The following FARS2 variants were observed in gnomAD, a reference collection of about 807,000 sequenced individuals.
The protein encoded by FARS2 is phenylalanyl-tRNA synthetase 2, mitochondrial.
Under a neutral mutation model 46.4 loss-of-function variants are expected in FARS2, and 40 were observed. The observed-to-expected ratio is 0.86, with a 90% CI of 0.67 to 1.12. The LOEUF (loss-of-function observed/expected upper bound fraction) is 1.12. Ranked by LOEUF, FARS2 falls within the 50% of genes most tolerant of loss-of-function variation. The pLI is 0.00. For synonymous variants in FARS2, 234 were observed against 214.9 expected, an observed-to-expected ratio of 1.09 and a Z score of -0.78; for missense variants, 513 against 567.9, an observed-to-expected ratio of 0.90 and a Z score of 0.98.
chr6:5,392,741 C>T (rs1266033211), intron 2 of FARS2, among the ~76,000 whole-genome samples: 1 of 21,480 alleles, frequency 4.7e-5, no homozygotes, highest in African/African-American at 4.3e-4. Flanking sequence ...TATATACACA[C>T]ACACACACAC....
chr6:5,271,940 G>A (rs1248442538), intron 1 of FARS2, among the ~76,000 whole-genome samples: 2 of 151,984 alleles, frequency 1.3e-5, no homozygotes, highest in Non-Finnish European at 2.9e-5. Flanking sequence ...AATACAGTAA[G>A]GACCCCCTGC....
At chr6:5,718,501 C>T (rs1190181191) in intron 6 of FARS2, among the ~76,000 whole-genome samples, 1 of 152,198 alleles carries the variant, frequency 6.6e-6, no homozygotes, top group East Asian at 1.9e-4. Flanking sequence ...TATTTTCAGA[C>T]GATGCCACTG....
upstream of FARS2, chr6:5,260,650 G>C: frequency 2.0e-6 from 3 of 1,534,424 alleles, no homozygotes; most frequent in Non-Finnish European, 2.6e-6. Flanking sequence ...TGGGTCACCT[G>C]TAATTGTAGG....
intron 1 of FARS2, among the ~76,000 whole-genome samples, chr6:5,350,019 A>G (rs1332777211): frequency 1.3e-5 from 2 of 151,776 alleles, no homozygotes; most frequent in African/African-American, 4.8e-5. Context: ...TGTTTGTCAG[A>G]TTTCTCCATT....
intron 6 of FARS2, among the ~76,000 whole-genome samples, chr6:5,660,708 C>T (rs1359140705): frequency 6.6e-6 from 1 of 151,188 alleles, no homozygotes; most frequent in East Asian, 1.9e-4. Flanking sequence ...AGTGTGAGGC[C>T]AGGGAGAGAA....
intron 1 of FARS2, among the ~76,000 whole-genome samples, chr6:5,319,953 G>A (rs944942190): frequency 3.3e-5 from 5 of 152,158 alleles, no homozygotes; most frequent in Non-Finnish European, 5.9e-5. Context: ...GAGTGTAAAA[G>A]TTTGGAAGAT....
chr6:5,252,070 G>A, the FARS2 span, among the ~76,000 whole-genome samples: 7 of 152,292 alleles, frequency 4.6e-5, no homozygotes, highest in East Asian at 3.9e-4. Context: ...GAGACCTGAC[G>A]TTGATCAGCA....
At chr6:5,593,922 C>A (rs1301583106) in intron 5 of FARS2, among the ~76,000 whole-genome samples, 2 of 152,148 alleles carry the variant, frequency 1.3e-5, no homozygotes, top group African/African-American at 4.8e-5. Flanking sequence ...GAACACACAG[C>A]AGCTAAATCC....
intron 4 of FARS2, among the ~76,000 whole-genome samples, chr6:5,510,678 C>T (rs763348639): frequency 3.2e-4 from 49 of 152,198 alleles, no homozygotes; most frequent in Non-Finnish European, 6.0e-4. Context: ...GCGTGAGAAG[C>T]GAGTACGTGA....
In FARS2 at chr6:5,375,863, G is replaced by A. The variant is rs560855852; in HGVS notation, c.612+6681G>A. On this transcript the variant is annotated intron_variant, in intron 2 of 6. Transcript: ENST00000274680. ...TGAAAAAGAAATCTTTAAAACTTTT[G>A]GAAGAAAATATAGGAGATTGTCATT... Among the ~76,000 whole-genome samples the A allele has an allele frequency of 2.6e-4, 40 of 152,010 alleles. 1 individual carries two copies. In the South Asian group the frequency reaches 8.1e-3, roughly 31 times the overall value.
At chr6:5,550,483 C>A (rs1427130284) in intron 5 of FARS2, among the ~76,000 whole-genome samples, 4 of 152,154 alleles carry the variant, frequency 2.6e-5, no homozygotes, top group Non-Finnish European at 5.9e-5. Flanking sequence ...CCAGGCTGTT[C>A]TTCAACTCCT....
At chr6:5,501,687 G>A (rs1767809737) in intron 4 of FARS2, among the ~76,000 whole-genome samples, 1 of 151,972 alleles carries the variant, frequency 6.6e-6, no homozygotes, top group Non-Finnish European at 1.5e-5. Flanking sequence ...TAGAGATGGG[G>A]TTTTGCCACG....
intron 5 of FARS2, among the ~76,000 whole-genome samples, chr6:5,606,433 AGT>A (rs902374287): frequency 5.9e-5 from 9 of 152,014 alleles, no homozygotes; most frequent in African/African-American, 1.9e-4. Context: ...AAATTATTAA[AGT>A]GTGAGGGGTT....
chr6:5,449,831 C>T (rs1253502853), intron 4 of FARS2, among the ~76,000 whole-genome samples: 2 of 152,166 alleles, frequency 1.3e-5, no homozygotes, highest in East Asian at 3.9e-4. Context: ...GATTTTGGAG[C>T]ATTTAAGATT....
chr6:5,352,271 G>A (rs569709953), intron 1 of FARS2, among the ~76,000 whole-genome samples: 7 of 151,464 alleles, frequency 4.6e-5, no homozygotes, highest in South Asian at 2.1e-4. Context: ...ATAGGTGATC[G>A]ACTGTCATAA....
Position 5,613,297 on chromosome 6 carries a change from C to T in FARS2, c.1194C>T (p.Leu398=). ...IGGDLVEKVD[L]IDKFVHPKTH... is the part of the protein sequence containing the mutation. ...GAGACCTGGTGGAAAAGGTTGATCT[C>T]ATAGACAAGTTTGTACATCCAAAGT... Residue 398 remains leucine, a synonymous_variant, in exon 6 of 7, where the codon CTC becomes CTT. Transcript: ENST00000274680. 1 of 1,613,056 alleles carries T rather than the reference C, an allele frequency of 6.2e-7. No homozygotes were observed. The highest frequency in any genetic ancestry group is 8.5e-7 in the Non-Finnish European group (1 of 1,179,648).
At chr6:5,516,318 G>T (rs73356356) in intron 4 of FARS2, among the ~76,000 whole-genome samples, 17,960 of 152,280 alleles carry the variant, frequency 0.12, 1,125 homozygotes, top group Admixed American at 0.16. Flanking sequence ...GAATATTCGT[G>T]TAACAGTATG....
At chr6:5,296,386 C>T (rs1435975141) in intron 1 of FARS2, among the ~76,000 whole-genome samples, 1 of 152,064 alleles carries the variant, frequency 6.6e-6, no homozygotes, top group Non-Finnish European at 1.5e-5. Flanking sequence ...CGTGATCCGC[C>T]CGCCTTGGCC....
intron 4 of FARS2, chr6:5,431,696 G>C (rs758999693): frequency 1.9e-6 from 1 of 532,820 alleles, no homozygotes; most frequent in Non-Finnish European, 3.8e-6. Context: ...AGAGAAAATG[G>C]AAACACGAGG....
Sources: gnomAD v4.1 joint callset for allele counts (sites outside exome capture counted in the v4.1 genomes callset) on GRCh38, gnomAD v4.1.1 for gene constraint, MANE v1.5 for transcripts, NCBI Gene and HGNC (gene_info 2026-07-23, HGNC 2026-07-21) for gene names.